Variants in GABBR2 observed in about 807,000 individuals in gnomAD.
The protein encoded by GABBR2 is gamma-aminobutyric acid type B receptor subunit 2.
GABBR2 carries 23 observed loss-of-function variants against 105.6 expected under a neutral mutation model. The observed-to-expected ratio is 0.22, with a 90% confidence interval of 0.16 to 0.31. The LOEUF (loss-of-function observed/expected upper bound fraction) is 0.31, where lower values mean the gene tolerates loss of function less well. Among genes scored for constraint, GABBR2 ranks in the 10% least tolerant of loss-of-function variants. The pLI is 1.00. For synonymous variants in GABBR2, 478 were observed against 499.7 expected, an observed-to-expected ratio of 0.96 and a Z score of 0.58; for missense variants, 734 against 1,245.5, an observed-to-expected ratio of 0.59 and a Z score of 6.18.
chr9:98,702,549 C>T (rs1392749786), intron 1 of GABBR2, among the ~76,000 whole-genome samples: 6 of 152,158 alleles, frequency 3.9e-5, no homozygotes, highest in Admixed American at 1.3e-4. Context: ...GATTAAAGTC[C>T]CACCTTCCGG....
At chr9:98,490,197 T>C (rs977213097) in intron 4 of GABBR2, among the ~76,000 whole-genome samples, 7 of 152,162 alleles carry the variant, frequency 4.6e-5, no homozygotes, top group African/African-American at 1.7e-4. Context: ...GCCACTGAAT[T>C]GAACACTTAA....
chr9:98,538,718 C>G, intron 3 of GABBR2: 1 of 265,904 alleles, frequency 3.8e-6, no homozygotes, highest in Non-Finnish European at 5.8e-6. Context: ...GACATTCCTT[C>G]CAGTGCACCA....
Position 98,293,891 on chromosome 9 carries a change from C to T in GABBR2, c.2554G>A (p.Ala852Thr), listed in dbSNP as rs1051260334. The T allele has an allele frequency of 6.2e-7, 1 of 1,601,338 alleles. No individual in the cohort carries two copies. Among genetic ancestry groups the T allele is most frequent in the Non-Finnish European group, 8.6e-7 (1 of 1,168,678 alleles). ...TGATCGAGGTGATTTTTTAAAATGG[C>T]CTTTCCTCCATCTGAATGCAAAACA... ...NFTESTDGGKAILKNHLDQNP... is the reference protein window; with the variant it reads ...NFTESTDGGKTILKNHLDQNP... The change falls in exon 18 of 19, where the codon GCC becomes ACC. Residue 852 changes from alanine to threonine, a missense_variant. Ala to Thr is a moderately conservative substitution (Grantham distance 58, BLOSUM62 0). Transcript: ENST00000259455.
chr9:98,697,943 T>C (rs1830777834), intron 1 of GABBR2, among the ~76,000 whole-genome samples: 1 of 152,244 alleles, frequency 6.6e-6, no homozygotes, highest in Admixed American at 6.5e-5. Flanking sequence ...TCTGGGCATT[T>C]TTCAGAAAGG....
chr9:98,520,244 G>A (rs938987488), intron 3 of GABBR2, among the ~76,000 whole-genome samples: 1 of 152,194 alleles, frequency 6.6e-6, no homozygotes, highest in South Asian at 2.1e-4. Flanking sequence ...CCATGGGATT[G>A]GGGGAAGGAG....
At chr9:98,307,619 G>A (rs1588091962) in intron 14 of GABBR2, among the ~76,000 whole-genome samples, 1 of 152,172 alleles carries the variant, frequency 6.6e-6, no homozygotes, top group Admixed American at 6.5e-5. Context: ...CAGGGGATAT[G>A]GAATCTGCTC....
intron 8 of GABBR2, among the ~76,000 whole-genome samples, chr9:98,404,688 C>T (rs1182632575): frequency 4.6e-5 from 7 of 152,124 alleles, no homozygotes; most frequent in Non-Finnish European, 7.3e-5. Context: ...CAAGGATGCT[C>T]CTCACATGGC....
chr9:98,575,809 C>T (rs1012721463), intron 2 of GABBR2, among the ~76,000 whole-genome samples: 9 of 152,176 alleles, frequency 5.9e-5, no homozygotes, highest in African/African-American at 2.2e-4. Context: ...GTCTCCTCTT[C>T]CTGTTGCATC....
At chr9:98,642,054 G>A (rs1829971584) in intron 1 of GABBR2, among the ~76,000 whole-genome samples, 1 of 152,234 alleles carries the variant, frequency 6.6e-6, no homozygotes, top group African/African-American at 2.4e-5. Flanking sequence ...CCTGGGAACA[G>A]TTCTGCTTCC....
chr9:98,632,722 A>G (rs1829829615), intron 1 of GABBR2, among the ~76,000 whole-genome samples: 1 of 152,200 alleles, frequency 6.6e-6, no homozygotes, highest in African/African-American at 2.4e-5. Context: ...TTTCCAACTG[A>G]GGGCCCAGTC....
At chr9:98,541,133 G>A (rs568593464) in intron 3 of GABBR2, among the ~76,000 whole-genome samples, 94 of 152,276 alleles carry the variant, frequency 6.2e-4, no homozygotes, top group African/African-American at 2.3e-3. Flanking sequence ...AGAACACCAG[G>A]TCCCTTTAAA....
intron 1 of GABBR2, among the ~76,000 whole-genome samples, chr9:98,648,155 A>AGATAGATAGATAGATAGATAGATG (rs1342410321): frequency 2.0e-5 from 3 of 151,206 alleles, no homozygotes; most frequent in African/African-American, 7.3e-5. Flanking sequence ...ATAGATAGAT[A>AGATAGATAGATAGATAGATAGATG]GAGTCTTACT....
At chr9:98,397,595 G>A (rs972428020) in intron 8 of GABBR2, among the ~76,000 whole-genome samples, 5 of 152,176 alleles carry the variant, frequency 3.3e-5, no homozygotes, top group Non-Finnish European at 5.9e-5. Flanking sequence ...TGGGCTCTAT[G>A]TGAAGTTCCC....
At chr9:98,358,513 T>C (rs1045553986) in intron 13 of GABBR2, among the ~76,000 whole-genome samples, 2 of 152,246 alleles carry the variant, frequency 1.3e-5, no homozygotes, top group Non-Finnish European at 2.9e-5. Context: ...CACAGCACCC[T>C]GTACCATGAG....
chr9:98,462,217 T>C (rs939397976), intron 6 of GABBR2, among the ~76,000 whole-genome samples: 5 of 152,250 alleles, frequency 3.3e-5, no homozygotes, highest in African/African-American at 1.2e-4. Context: ...CATATGTTCA[T>C]TTCTTATTTT....
rs1564132407 is a variant in GABBR2, at chr9:98,618,797, ACTC to A, written c.322-40728_322-40726del. 9.7e-5 allele frequency among the ~76,000 whole-genome samples: 3 copies of A among 30,858 alleles called. No homozygotes were observed. In the East Asian group the frequency reaches 1.8e-3, roughly 19 times the overall value. The allele number at this position is 30,858 out of a possible 152,430, so 20.2% of individuals were successfully genotyped here. On this transcript the variant is annotated intron_variant, in intron 1 of 18. Coordinates refer to ENST00000259455, the MANE Select transcript of GABBR2 (RefSeq NM_005458.8). Reference sequence around the variant, plus strand: ...TCCTTGATGTAATCATGACAGAAAGACTCCAGAAGAGACAGGCCCAGAGGAGAA... The same window carrying A: ...TCCTTGATGTAATCATGACAGAAAGACAGAAGAGACAGGCCCAGAGGAGAA...
chr9:98,479,879 T>C (rs1826877851), intron 5 of GABBR2, among the ~76,000 whole-genome samples: 1 of 152,160 alleles, frequency 6.6e-6, no homozygotes, highest in Non-Finnish European at 1.5e-5. Flanking sequence ...CAACACACAG[T>C]ACTCCTCAGC....
At chr9:98,391,722 G>C (rs1156454386) in intron 9 of GABBR2, among the ~76,000 whole-genome samples, 2 of 152,172 alleles carry the variant, frequency 1.3e-5, no homozygotes, top group East Asian at 3.9e-4. Flanking sequence ...AGTTTAGTTG[G>C]GGGGAATCTG....
At chr9:98,317,445 T>G (rs1243546709) in intron 13 of GABBR2, among the ~76,000 whole-genome samples, 1 of 151,984 alleles carries the variant, frequency 6.6e-6, no homozygotes, top group Non-Finnish European at 1.5e-5. Flanking sequence ...AGGCAGGGAG[T>G]TGGAGCATAA....
Sources: allele counts gnomAD v4.1 joint callset (sites outside exome capture counted in the v4.1 genomes callset), GRCh38; gene constraint gnomAD v4.1.1; transcripts MANE v1.5; gene names NCBI Gene and HGNC (gene_info 2026-07-23, HGNC 2026-07-21).